GTF2H3: variants seen among roughly 807,000 people sequenced by gnomAD.
GTF2H3 encodes general transcription factor IIH subunit 3, also known as TFIIH basal transcription factor complex p34 subunit.
Under a neutral mutation model 51.1 loss-of-function variants are expected in GTF2H3, and 42 were observed. The observed-to-expected ratio is 0.82, with a 90% CI of 0.64 to 1.06. The LOEUF is 1.06. GTF2H3 is among the 50% of genes least tolerant of loss of function. The pLI is 0.00. For synonymous variants in GTF2H3, 123 were observed against 123.8 expected (o/e 0.99, Z 0.04); for missense variants, 326 against 366.1 (o/e 0.89, Z 0.89).
At chr12:123,642,686 C>G (rs1192289930) in intron 2 of GTF2H3, among the ~76,000 whole-genome samples, 1 of 152,160 alleles carries the variant, frequency 6.6e-6, no homozygotes, top group Non-Finnish European at 1.5e-5. Context: ...CACTTCCACC[C>G]CTTCCCCATG....
rs764719535 is a variant in GTF2H3, at chr12:123,639,267, A to C, written c.17A>C (p.Asp6Ala). The change falls in exon 2 of 13, where the codon GAT becomes GCT. Residue 6 changes from aspartate (D) to alanine (A), a missense_variant. Transcript: ENST00000543341. ...TATTTCTTGTTAATATTTTCAGAAG[A>C]TGAATTGAATCTTCTGGTTATTGTA... MVSDE[D>A]ELNLLVIVVD... 1 of 1,468,558 alleles carries C rather than the reference A, an allele frequency of 6.8e-7. No homozygotes were observed. Among genetic ancestry groups the C allele is most frequent in the South Asian group, 1.2e-5 (1 of 86,900 alleles). 91.0% of individuals were successfully genotyped at this position (1,468,558 alleles called of 1,614,324 possible).
At chr12:123,651,241 C>G in intron 5 of GTF2H3, 185 bp downstream of exon 5, 1 of 452,844 alleles carries the variant, frequency 2.2e-6, no homozygotes, top group Non-Finnish European at 4.0e-6. Context: ...GAGACAGTCT[C>G]ACTCTGTCGC....
intron 4 of GTF2H3, chr12:123,650,509 G>C (rs1439934430): frequency 6.3e-6 from 1 of 157,992 alleles, no homozygotes; most frequent in Non-Finnish European, 1.4e-5. Context: ...TTTTGTGTGT[G>C]TATGTATGGT....
intron 2 of GTF2H3, among the ~76,000 whole-genome samples, chr12:123,641,540 TG>T (rs1243890616): frequency 0.018 from 2,156 of 118,806 alleles, 69 homozygotes; most frequent in African/African-American, 0.09. Context: ...TTTTTTTTTG[TG>T]TGTTTTTTTT....
intron 7 of GTF2H3, 55 bp downstream of exon 7, chr12:123,652,790 A>G: frequency 2.8e-6 from 4 of 1,412,724 alleles, no homozygotes; most frequent in Non-Finnish European, 3.8e-6. Context: ...AGAAAACATA[A>G]CGGGAGACCA....
intron 2 of GTF2H3, among the ~76,000 whole-genome samples, chr12:123,645,076 TTTTTG>T (rs778764506): frequency 6.6e-6 from 1 of 152,204 alleles, no homozygotes; most frequent in Non-Finnish European, 1.5e-5. Context: ...TGAAGTCTTT[TTTTTG>T]TTTGTTTGTT....
intron 4 of GTF2H3, 52 bp downstream of exon 4, chr12:123,648,178 C>G: frequency 8.1e-7 from 1 of 1,230,504 alleles, no homozygotes; most frequent in East Asian, 2.4e-5. Context: ...TTTTGGAGGT[C>G]CTTTAGGCTT....
intron 9 of GTF2H3, among the ~76,000 whole-genome samples, chr12:123,657,707 G>A (rs1955604848): frequency 6.6e-6 from 1 of 152,186 alleles, no homozygotes; most frequent in Non-Finnish European, 1.5e-5. Context: ...TCATGAGGAT[G>A]GACACTGTGA....
intron 7 of GTF2H3, among the ~76,000 whole-genome samples, chr12:123,653,026 T>C (rs1346685113): frequency 6.7e-6 from 1 of 148,632 alleles, no homozygotes; most frequent in Non-Finnish European, 1.5e-5. Flanking sequence ...TGCAGTGAGC[T>C]GGAGGTTGCA....
In GTF2H3 at chr12:123,660,316, T is replaced by A. The variant is rs1955642088; in HGVS notation, c.*81T>A. On this transcript the variant is annotated 3_prime_UTR_variant, in exon 13 of 13. Transcript: ENST00000543341. ...TCTTTGTTGGGAAGACTGAAAAAAA[T>A]AAAGATAGGTATAGGATAATTTTTA... 1.0e-5 allele frequency: 10 copies of A among 979,922 alleles called. No individual in the cohort carries two copies. 60.7% of individuals were successfully genotyped at this position (979,922 alleles called of 1,614,324 possible).
intron 9 of GTF2H3, among the ~76,000 whole-genome samples, chr12:123,657,343 T>C (rs1593814296): frequency 6.6e-6 from 1 of 152,238 alleles, no homozygotes; most frequent in Admixed American, 6.5e-5. Flanking sequence ...CTGAGGCTCC[T>C]GGGAACCTTT....
At chr12:123,659,667 C>CTGG in intron 10 of GTF2H3, 83 bp downstream of exon 10, 3 of 1,487,414 alleles carry the variant, frequency 2.0e-6, no homozygotes. Context: ...AGCAAGATGG[C>CTGG]TGGTGCTAGT....
intron 9 of GTF2H3, 143 bp downstream of exon 9, chr12:123,655,967 C>G: frequency 1.8e-6 from 1 of 556,074 alleles, no homozygotes; most frequent in East Asian, 2.9e-5. Flanking sequence ...GTCTTTCCCC[C>G]TTACGTATGG....
intron 8 of GTF2H3, 41 bp downstream of exon 8, chr12:123,655,039 C>T (rs1467386822): frequency 1.7e-5 from 25 of 1,497,694 alleles, no homozygotes; most frequent in African/African-American, 2.8e-5. Flanking sequence ...TGTTTCATAA[C>T]GAAGGAGTCA....
intron 9 of GTF2H3, among the ~76,000 whole-genome samples, chr12:123,658,026 A>C (rs1025583854): frequency 6.6e-6 from 1 of 152,218 alleles, no homozygotes; most frequent in African/African-American, 2.4e-5. Context: ...AGTTTGGAAA[A>C]AGAGGACCAA....
Position 123,647,953 on chromosome 12 carries a change from G to A in GTF2H3, c.201-10G>A. On this transcript the variant is annotated splice_polypyrimidine_tract_variant and intron_variant, in intron 3 of 12. Coordinates refer to ENST00000543341, the MANE Select transcript of GTF2H3 (RefSeq NM_001516.5). Reference sequence around the variant, plus strand: ...CTGGTGTAACCAGGTTTTTTCCCCTGCTGTTTCAGCCGATTCTTATATCCT... The same window carrying A: ...CTGGTGTAACCAGGTTTTTTCCCCTACTGTTTCAGCCGATTCTTATATCCT... The A allele has an allele frequency of 6.2e-7, 1 of 1,607,508 alleles. No individual in the cohort carries two copies. Among genetic ancestry groups the A allele is most frequent in the East Asian group, 2.2e-5 (1 of 44,776 alleles).
intron 1 of GTF2H3, among the ~76,000 whole-genome samples, chr12:123,637,504 CTTT>C (rs869031925): frequency 7.1e-6 from 1 of 140,824 alleles, no homozygotes; most frequent in African/African-American, 2.6e-5. Flanking sequence ...TGTTTTTTAA[CTTT>C]TTTTTTTTTT....
At position 123,655,781 on chromosome 12, in the gene GTF2H3, T is replaced by A. The variant is rs1278461325; in HGVS notation, c.572T>A (p.Ile191Asn). 1.3e-6 allele frequency: 2 copies of A among 1,584,622 alleles called. No homozygotes were observed. Among genetic ancestry groups the A allele is most frequent in the Non-Finnish European group, 1.7e-6 (2 of 1,153,806 alleles). Residue 191 changes from isoleucine to asparagine, a missense_variant, in exon 9 of 13, where the codon ATT becomes AAT. By Grantham distance (149) the Ile-to-Asn change is moderately radical (BLOSUM62 -3). Coordinates refer to ENST00000543341, the MANE Select transcript of GTF2H3 (RefSeq NM_001516.5). Reference protein sequence around the residue: ...IFAAQKQNILIDACVLDSDSG... With the variant: ...IFAAQKQNILNDACVLDSDSG... The stretch of plus-strand genomic sequence containing the variant: ...AAATGTTTCTTTTAGAATATTTTGA[T>A]TGATGCCTGTGTTTTAGACTCCGAC...
In GTF2H3 at chr12:123,656,961, G is replaced by A. The variant is rs879759790; in HGVS notation, c.615+1137G>A. On this transcript the variant is annotated intron_variant, in intron 9 of 12. Coordinates refer to ENST00000543341, the MANE Select transcript of GTF2H3 (RefSeq NM_001516.5). ...AAATTAGCCTATCATGGTGGTGCAC[G>A]CCTGTAGTCTCAGCTGTTCGGGAGG... Among the ~76,000 whole-genome samples the A allele has an allele frequency of 4.6e-5, 7 of 151,974 alleles. No homozygotes were observed. The South Asian group carries it at 8.3e-4, about 18-fold the overall frequency.
Sources: allele counts gnomAD v4.1 joint callset (sites outside exome capture counted in the v4.1 genomes callset), GRCh38; gene constraint gnomAD v4.1.1; transcripts MANE v1.5; gene names NCBI Gene and HGNC (gene_info 2026-07-23, HGNC 2026-07-21).